Variants in RALYL observed in about 807,000 individuals in gnomAD.
RALYL encodes RALY RNA binding protein like, also known as RNA-binding Raly-like protein.
RALYL carries 29 observed loss-of-function variants against 35.1 expected under a neutral mutation model. The ratio of observed to expected loss-of-function variants is 0.83; its 90% CI spans 0.61 to 1.13. The LOEUF is 1.13. RALYL is among the 50% of genes most tolerant of loss of function. The probability of loss-of-function intolerance (pLI) is 0.00; values close to 1 mark genes in which losing one functional copy is unlikely to be tolerated. For missense variants in RALYL, 359 were observed against 360.4 expected, an observed-to-expected ratio of 1.00 and a Z score of 0.03; for synonymous variants, 120 against 127.6, an observed-to-expected ratio of 0.94 and a Z score of 0.40.
At chr8:84,892,347 C>T (rs113714691) in intron 8 of RALYL, among the ~76,000 whole-genome samples, 10,154 of 152,050 alleles carry the variant, frequency 0.067, 513 homozygotes, top group Non-Finnish European at 0.1. Flanking sequence ...TGGTGGCTCA[C>T]GCCTGTAATC....
In RALYL at chr8:84,338,283, C is replaced by A. The variant is rs556447561; in HGVS notation, c.-24+153859C>A. Among the ~76,000 whole-genome samples the A allele has an allele frequency of 2.6e-5, 4 of 151,930 alleles. No individual in the cohort carries two copies. The East Asian group carries it at 7.8e-4, about 29-fold the overall frequency. ...TTAGTCACAGAGTGGGACCATAGTG[C>A]AGACTCCTGTTCTTTAATATATTGT... On this transcript the variant is annotated intron_variant, in intron 1 of 8. Transcript: ENST00000521268.
intron 1 of RALYL, among the ~76,000 whole-genome samples, chr8:84,212,641 C>T (rs1379253518): frequency 1.3e-5 from 2 of 152,032 alleles, no homozygotes; most frequent in Non-Finnish European, 2.9e-5. Context: ...AGGTGAAGTA[C>T]AGGCAGTATA....
At position 84,513,658 on chromosome 8, in the gene RALYL, T is replaced by G. The variant is rs572407845; in HGVS notation, c.-23-15641T>G. ...TGTTATATTTAAATAAACGTTTAGT[T>G]TTTTTAATTAGATGCATATTCTATA... On this transcript the variant is annotated intron_variant, in intron 1 of 8. Coordinates refer to ENST00000521268, the MANE Select transcript of RALYL (RefSeq NM_173848.7). 2.6e-5 allele frequency among the ~76,000 whole-genome samples: 4 copies of G among 152,264 alleles called. No individual in the cohort carries two copies. In the East Asian group the frequency reaches 7.7e-4, roughly 29 times the overall value.
chr8:84,372,656 G>A (rs1855954148), intron 1 of RALYL, among the ~76,000 whole-genome samples: 2 of 151,878 alleles, frequency 1.3e-5, no homozygotes, highest in African/African-American at 2.4e-5. Flanking sequence ...AACCACTTGA[G>A]TTGATGAGTT....
intron 1 of RALYL, among the ~76,000 whole-genome samples, chr8:84,344,356 G>A (rs191011467): frequency 5.5e-4 from 83 of 151,978 alleles, no homozygotes; most frequent in African/African-American, 2.0e-3. Context: ...CTTTATTCAA[G>A]GAAGATTATT....
intron 1 of RALYL, among the ~76,000 whole-genome samples, chr8:84,447,071 C>A (rs974162705): frequency 6.6e-6 from 1 of 152,054 alleles, no homozygotes; most frequent in Non-Finnish European, 1.5e-5. Flanking sequence ...TCCCATCAGT[C>A]CACATTTTTT....
At chr8:84,228,415 A>C (rs1385589608) in intron 1 of RALYL, among the ~76,000 whole-genome samples, 2 of 152,260 alleles carry the variant, frequency 1.3e-5, no homozygotes, top group East Asian at 3.9e-4. Flanking sequence ...AGGTAGTACT[A>C]GATTCTTGAA....
intron 2 of RALYL, among the ~76,000 whole-genome samples, chr8:84,584,462 G>T (rs544028642): frequency 1.3e-5 from 2 of 152,064 alleles, no homozygotes; most frequent in African/African-American, 4.8e-5. Context: ...AATTAGCCAG[G>T]CATGGTGGCG....
At chr8:84,372,899 T>TTTTTTTTTTTTTTTTTTTTTTC (rs1856145230) in intron 1 of RALYL, among the ~76,000 whole-genome samples, 1 of 137,260 alleles carries the variant, frequency 7.3e-6, no homozygotes, top group Non-Finnish European at 1.6e-5. Flanking sequence ...TTTTTTTTTT[T>TTTTTTTTTTTTTTTTTTTTTTC]TTTTTTTTTT....
rs1360263591 is a variant in RALYL at position 84,804,752 on chromosome 8, T to C, written c.333-18T>C. 1 of 1,152,684 alleles carries C rather than the reference T, an allele frequency of 8.7e-7. No homozygotes were observed. 71.4% of individuals were successfully genotyped at this position (1,152,684 alleles called of 1,614,324 possible). A position where few individuals can be genotyped will look rare whatever the true frequency, so the allele number is the denominator to read the frequency against. ...GCAAATTTTTATATTAAAAGAAAAT[T>C]TTCATATTTTTTCATAGACTTGAAT... On this transcript the variant is annotated intron_variant, in intron 3 of 8. Coordinates refer to ENST00000521268, the MANE Select transcript of RALYL (RefSeq NM_173848.7).
chr8:84,439,575 A>T (rs2048116435), intron 1 of RALYL, among the ~76,000 whole-genome samples: 1 of 152,104 alleles, frequency 6.6e-6, no homozygotes, highest in African/African-American at 2.4e-5. Context: ...TACATGCATC[A>T]TCTGTCATTT....
intron 2 of RALYL, among the ~76,000 whole-genome samples, chr8:84,579,728 A>G (rs1810398342): frequency 6.6e-6 from 1 of 152,218 alleles, no homozygotes. Flanking sequence ...ACTTTTTGGA[A>G]TTGGAGAAAA....
rs797022577 is a variant in RALYL, at chr8:84,184,192, A to G, written c.-256A>G. ...GCAAAATACTTTTTTCCTCCTTTAA[A>G]TTAACTATGACTTTTGCACATTTGA... is the stretch of plus-strand genomic sequence containing the variant. On this transcript the variant is annotated 5_prime_UTR_variant, in exon 1 of 9. Coordinates refer to ENST00000521268, the MANE Select transcript of RALYL (RefSeq NM_173848.7). The G allele has an allele frequency of 2.0e-5, 3 of 152,186 alleles. No individual in the cohort carries two copies. Among genetic ancestry groups the G allele is most frequent in the African/African-American group, 7.2e-5 (3 of 41,526 alleles). 9.4% of individuals were successfully genotyped at this position (152,186 alleles called of 1,614,324 possible).
intron 1 of RALYL, among the ~76,000 whole-genome samples, chr8:84,239,387 C>A (rs1271998251): frequency 6.6e-6 from 1 of 152,146 alleles, no homozygotes; most frequent in Non-Finnish European, 1.5e-5. Flanking sequence ...CTGTAATATG[C>A]TTAAGTAGAA....
intron 8 of RALYL, among the ~76,000 whole-genome samples, chr8:84,908,936 A>G (rs993720829): frequency 6.6e-6 from 1 of 151,896 alleles, no homozygotes. Context: ...TTGTTATATC[A>G]CATTGGAAAA....
chr8:84,708,908 A>T (rs191561821), intron 2 of RALYL, among the ~76,000 whole-genome samples: 1 of 152,148 alleles, frequency 6.6e-6, no homozygotes, highest in Non-Finnish European at 1.5e-5. Flanking sequence ...ATAGCACAAT[A>T]CCTGTGCCAT....
At chr8:84,519,923 G>A (rs1046896717) in intron 1 of RALYL, among the ~76,000 whole-genome samples, 1 of 152,134 alleles carries the variant, frequency 6.6e-6, no homozygotes, top group African/African-American at 2.4e-5. Context: ...TCGGCCCTCT[G>A]CCAAATATGA....
chr8:84,886,823 A>G (rs1462016166), intron 7 of RALYL, among the ~76,000 whole-genome samples: 1 of 152,210 alleles, frequency 6.6e-6, no homozygotes, highest in Non-Finnish European at 1.5e-5. Flanking sequence ...ATTATTTGCA[A>G]GTCTCTATAC....
chr8:84,494,829 C>T lies in RALYL; in HGVS notation c.-23-34470C>T, dbSNP rs183892341. Among the ~76,000 whole-genome samples, 461 of 152,126 alleles carry T rather than the reference C, an allele frequency of 3.0e-3. 1 individual carries two copies. The highest frequency in any genetic ancestry group is 0.017 in the Middle Eastern group (5 of 294). On this transcript the variant is annotated intron_variant, in intron 1 of 8. Transcript: ENST00000521268. ...TGATGGAGTTTTCTAAATATAGGAT[C>T]GTGTGGTCTGCAGACAGAGACAATT...
Sources: gnomAD v4.1 joint callset for allele counts (sites outside exome capture counted in the v4.1 genomes callset) on GRCh38, gnomAD v4.1.1 for gene constraint, MANE v1.5 for transcripts, NCBI Gene and HGNC (gene_info 2026-07-23, HGNC 2026-07-21) for gene names.